The following KCNA2 variants were observed in gnomAD, a reference collection of about 807,000 sequenced individuals.
KCNA2 encodes potassium voltage-gated channel subfamily A member 2.
In KCNA2, 11 loss-of-function variants were observed where a neutral mutation model predicts 33.4. That is an observed-to-expected ratio of 0.33 (90% CI 0.21 to 0.55). KCNA2 has a LOEUF of 0.55. Among genes scored for constraint, KCNA2 ranks in the 20% least tolerant of loss-of-function variants. The pLI is 0.93. For missense variants in KCNA2, 291 were observed against 621.6 expected (o/e 0.47, Z 5.66); for synonymous variants, 222 against 231.3 (o/e 0.96, Z 0.37).
intron 1 of KCNA2, among the ~76,000 whole-genome samples, chr1:110,622,813 A>G (rs1292736562): frequency 6.6e-6 from 1 of 152,210 alleles, no homozygotes; most frequent in Non-Finnish European, 1.5e-5. Context: ...ATTCTGAAAC[A>G]TTAATGGTAG....
chr1:110,612,321 G>A (rs916828254), intron 1 of KCNA2, among the ~76,000 whole-genome samples: 1 of 152,214 alleles, frequency 6.6e-6, no homozygotes, highest in Non-Finnish European at 1.5e-5. Flanking sequence ...CACCCAGGCT[G>A]TATGGTAGAG....
intron 1 of KCNA2, among the ~76,000 whole-genome samples, chr1:110,630,311 A>G (rs532868372): frequency 9.2e-5 from 14 of 152,216 alleles, no homozygotes; most frequent in African/African-American, 3.1e-4. Flanking sequence ...GTGAGCCACC[A>G]CACCCGGCCA....
chr1:110,598,564 C>G lies in KCNA2; in HGVS notation c.*4719G>C. ...AGGTAGAACAAGCTAGTCCTGGGCC[C>G]TCCCAACACGGAGCAGCAACATGAA... On this transcript the variant is annotated 3_prime_UTR_variant, in exon 3 of 3. Transcript: ENST00000316361. 9 of 985,398 alleles carry G rather than the reference C, an allele frequency of 9.1e-6. No individual in the cohort carries two copies. Among genetic ancestry groups the G allele is most frequent in the Non-Finnish European group, 1.1e-5 (9 of 829,978 alleles). 61.0% of individuals were successfully genotyped at this position (985,398 alleles called of 1,614,324 possible).
chr1:110,595,103 C>T lies in KCNA2; in HGVS notation c.*8180G>A. The T allele has an allele frequency of 5.1e-6, 5 of 985,316 alleles. No homozygotes were observed. Among genetic ancestry groups the T allele is most frequent in the Non-Finnish European group, 6.0e-6 (5 of 829,916 alleles). 61.0% of individuals were successfully genotyped at this position (985,316 alleles called of 1,614,324 possible). On this transcript the variant is annotated 3_prime_UTR_variant, in exon 3 of 3. Transcript: ENST00000316361. ...GACTCAGAAAGACACCAGACTGAGT[C>T]CTCTGGATAGCTACCAAGGGTCCTA...
Position 110,597,486 on chromosome 1 carries a change from G to C in KCNA2, c.*5797C>G. ...AGGCAGAAATGGGGAGACAGAGGGA[G>C]AGGGGACAGAGACACACATGGAGAC... On this transcript the variant is annotated 3_prime_UTR_variant, in exon 3 of 3. Coordinates refer to ENST00000316361, the MANE Select transcript of KCNA2 (RefSeq NM_004974.4). The C allele has an allele frequency of 7.1e-6, 7 of 985,414 alleles. No homozygotes were observed. Among genetic ancestry groups the C allele is most frequent in the Non-Finnish European group, 8.4e-6 (7 of 829,916 alleles). The allele number at this position is 985,414 out of a possible 1,614,324, so 61.0% of individuals were successfully genotyped here. A position where few individuals can be genotyped will look rare whatever the true frequency, so the allele number is the denominator to read the frequency against.
At chr1:110,611,736 A>G (rs1649880248) in intron 1 of KCNA2, among the ~76,000 whole-genome samples, 1 of 151,982 alleles carries the variant, frequency 6.6e-6, no homozygotes, top group South Asian at 2.1e-4. Context: ...GAAAAAAAAA[A>G]AAAAGGCTGG....
rs377758016 is a variant in KCNA2 at position 110,596,727 on chromosome 1, A to G, written c.*6556T>C. 2 of 985,294 alleles carry G rather than the reference A, an allele frequency of 2.0e-6. No individual in the cohort carries two copies. 61.0% of individuals were successfully genotyped at this position (985,294 alleles called of 1,614,324 possible). A position where few individuals can be genotyped will look rare whatever the true frequency, so the allele number is the denominator to read the frequency against. On this transcript the variant is annotated 3_prime_UTR_variant, in exon 3 of 3. Coordinates refer to ENST00000316361, the MANE Select transcript of KCNA2 (RefSeq NM_004974.4). ...TTCTCAATAACAAAGGTTGAACCAG[A>G]CATGCTTTCCCATTCCCACTCAAAT...
chr1:110,623,871 T>C (rs1490253844), intron 1 of KCNA2, among the ~76,000 whole-genome samples: 1 of 152,066 alleles, frequency 6.6e-6, no homozygotes, highest in Non-Finnish European at 1.5e-5. Context: ...ATTCCCATCA[T>C]TAGTCATTAT....
At position 110,595,355 on chromosome 1, in the gene KCNA2, C is replaced by G. The variant is rs1305280863; in HGVS notation, c.*7928G>C. The G allele has an allele frequency of 1.3e-5, 13 of 985,334 alleles. No homozygotes were observed. Among genetic ancestry groups the G allele is most frequent in the Middle Eastern group, 5.2e-4 (1 of 1,936 alleles). 61.0% of individuals were successfully genotyped at this position (985,334 alleles called of 1,614,324 possible). ...GAAGTACAAGAAGTAGCCATCCAGA[C>G]AGGCCACCTCAACTGCCTCAGTGCA... On this transcript the variant is annotated 3_prime_UTR_variant, in exon 3 of 3. Transcript: ENST00000316361.
chr1:110,605,012 T>G, intron 2 of KCNA2, 67 bp from the exon 3 acceptor site: 1 of 530,860 alleles, frequency 1.9e-6, no homozygotes, highest in East Asian at 3.1e-5. Flanking sequence ...GGGTTGCCAC[T>G]TTTTGTCTCC....
chr1:110,604,435 A>G lies in KCNA2; in HGVS notation c.348T>C (p.Tyr116=). Residue 116 remains tyrosine (Y), a synonymous_variant, in exon 3 of 3, where the codon TAT becomes TAC. Coordinates refer to ENST00000316361, the MANE Select transcript of KCNA2 (RefSeq NM_004974.4). This position sits in a 1 kb window ranked among gnomAD's most constrained non-coding sequence, Gnocchi z 7.6. ...LDIFSEEIRF[Y]ELGEEAMEMF... ...TCTCCATCGCTTCTTCTCCCAGCTC[A>G]TAAAACCGAATTTCTTCAGAGAATA... is the stretch of plus-strand genomic sequence containing the variant. 6.2e-7 allele frequency: 1 copy of G among 1,614,172 alleles called. No individual in the cohort carries two copies. The highest frequency in any genetic ancestry group is 1.3e-5 in the African/African-American group (1 of 75,052).
In KCNA2 at chr1:110,603,460, G is replaced by A. The variant is rs1201855160; in HGVS notation, c.1323C>T (p.Ser441=). The change falls in exon 3 of 3, where the codon TCC becomes TCT. Residue 441 remains serine, a synonymous_variant. Coordinates refer to ENST00000316361, the MANE Select transcript of KCNA2 (RefSeq NM_004974.4). The surrounding 1 kb of genome is among the most constrained non-coding windows in gnomAD (Gnocchi z 5.7). ...QVTSCPKIPS[S]PDLKKSRSAS... ...CACTTCTACTTTTCTTTAGGTCAGG[G>A]GAGGATGGGATCTTTGGACAGCTTG... The A allele has an allele frequency of 6.2e-7, 1 of 1,614,022 alleles. No individual in the cohort carries two copies. The highest frequency in any genetic ancestry group is 1.7e-5 in the Admixed American group (1 of 60,010).
rs145938133 is a variant in KCNA2 at position 110,601,339 on chromosome 1, T to C, written c.*1944A>G. ...TTTGGTCCCAGGGAGTCCTACTCCT[T>C]GGTGTCCTTGGTTTCAAAGCAGGGG... On this transcript the variant is annotated 3_prime_UTR_variant, in exon 3 of 3. Transcript: ENST00000316361. 37 of 985,412 alleles carry C rather than the reference T, an allele frequency of 3.8e-5. No individual in the cohort carries two copies. The African/African-American group carries it at 5.4e-4, about 14-fold the overall frequency. 61.0% of individuals were successfully genotyped at this position (985,412 alleles called of 1,614,324 possible).
upstream of KCNA2, among the ~76,000 whole-genome samples, chr1:110,608,795 T>C (rs994240998): frequency 3.3e-5 from 5 of 152,212 alleles, no homozygotes; most frequent in Non-Finnish European, 7.3e-5. Flanking sequence ...ATTTCACTTC[T>C]CTGGGCACCA....
At chr1:110,619,746 C>A (rs1264180144) in intron 1 of KCNA2, among the ~76,000 whole-genome samples, 8 of 152,220 alleles carry the variant, frequency 5.3e-5, no homozygotes, top group Non-Finnish European at 1.2e-4. Context: ...TTTTCGCCAC[C>A]TATTTGTTAA....
At position 110,622,812 on chromosome 1, in the gene KCNA2, C is replaced by T. The variant is rs535382642; in HGVS notation, c.-496+8583G>A. On this transcript the variant is annotated intron_variant, in intron 1 of 4. Coordinates refer to the KCNA2 transcript ENST00000369770. ...GACCTATACACTGAAAATTCTGAAACATTAATGGTAGAAATGAAAGACCTA... is the reference window on the plus strand; with the variant it reads ...GACCTATACACTGAAAATTCTGAAATATTAATGGTAGAAATGAAAGACCTA... Among the ~76,000 whole-genome samples the T allele has an allele frequency of 2.0e-3, 300 of 152,250 alleles. 3 individuals are homozygous for T. Among genetic ancestry groups the T allele is most frequent in the African/African-American group, 7.0e-3 (293 of 41,578 alleles).
upstream of KCNA2, among the ~76,000 whole-genome samples, chr1:110,607,020 C>T (rs1045812823): frequency 6.6e-6 from 1 of 151,914 alleles, no homozygotes; most frequent in Non-Finnish European, 1.5e-5. Context: ...CCCAGAGGGT[C>T]CCGAGCCCAT....
At position 110,600,902 on chromosome 1, in the gene KCNA2, G is replaced by C. The variant is rs1206420715; in HGVS notation, c.*2381C>G. ...TGGTGCCCCATGCCCCAAGACAACT[G>C]TAGGTGCTAACTAGGCAGCAGTGAG... On this transcript the variant is annotated 3_prime_UTR_variant, in exon 3 of 3. Coordinates refer to ENST00000316361, the MANE Select transcript of KCNA2 (RefSeq NM_004974.4). The C allele has an allele frequency of 1.0e-6, 1 of 985,378 alleles. No homozygotes were observed. Among genetic ancestry groups the C allele is most frequent in the African/African-American group, 1.7e-5 (1 of 57,232 alleles). 61.0% of individuals were successfully genotyped at this position (985,378 alleles called of 1,614,324 possible).
Position 110,595,092 on chromosome 1 carries a change from C to A in KCNA2, c.*8191G>T, listed in dbSNP as rs1649039689. 2 of 985,380 alleles carry A rather than the reference C, an allele frequency of 2.0e-6. No homozygotes were observed. Among genetic ancestry groups the A allele is most frequent in the Non-Finnish European group, 2.4e-6 (2 of 829,936 alleles). The allele number at this position is 985,380 out of a possible 1,614,324, so 61.0% of individuals were successfully genotyped here. A position where few individuals can be genotyped will look rare whatever the true frequency, so the allele number is the denominator to read the frequency against. On this transcript the variant is annotated 3_prime_UTR_variant, in exon 3 of 3. Coordinates refer to ENST00000316361, the MANE Select transcript of KCNA2 (RefSeq NM_004974.4). ...CCTCTCACAGAGACTCAGAAAGACA[C>A]CAGACTGAGTCCTCTGGATAGCTAC...
Sources: gnomAD v4.1 joint callset for allele counts (sites outside exome capture counted in the v4.1 genomes callset) on GRCh38, gnomAD v4.1.1 for gene constraint, Gnocchi (gnomAD v3.1) non-coding constraint, MANE v1.5 for transcripts, NCBI Gene and HGNC (gene_info 2026-07-23, HGNC 2026-07-21) for gene names.